The following TNIP1 variants were observed in gnomAD, a reference collection of about 807,000 sequenced individuals.
TNIP1 encodes the protein TNFAIP3 interacting protein 1.
In TNIP1, 22 loss-of-function variants were observed where a neutral mutation model predicts 86.6. That is an observed-to-expected ratio of 0.25 (90% confidence interval 0.18 to 0.36). The LOEUF is 0.36. Ranked by LOEUF, TNIP1 falls within the 10% of genes least tolerant of loss-of-function variation. The pLI, the probability that TNIP1 is intolerant of heterozygous loss-of-function variation, is 1.00. For synonymous variants in TNIP1, 294 were observed against 313.0 expected, an observed-to-expected ratio of 0.94 and a Z score of 0.64; for missense variants, 709 against 820.6, an observed-to-expected ratio of 0.86 and a Z score of 1.66.
At chr5:151,042,783 C>T (rs1758609864) in intron 10 of TNIP1, 112 bp from the exon 11 acceptor site, 19 of 1,594,324 alleles carry the variant, frequency 1.2e-5, no homozygotes, top group Non-Finnish European at 1.5e-5. Flanking sequence ...AACTTCTCCT[C>T]TGGGCCATAC....
At chr5:151,079,127 C>T (rs1296720849) in intron 1 of TNIP1, among the ~76,000 whole-genome samples, 4 of 152,072 alleles carry the variant, frequency 2.6e-5, no homozygotes, top group Non-Finnish European at 4.4e-5. Flanking sequence ...ACACTCCCAG[C>T]GGCAGCTTCC....
chr5:151,075,084 C>T (rs1763229895), intron 1 of TNIP1, among the ~76,000 whole-genome samples: 1 of 151,762 alleles, frequency 6.6e-6, no homozygotes, highest in South Asian at 2.1e-4. Flanking sequence ...GCCTAAATAA[C>T]ATTTTTAAAC....
intron 4 of TNIP1, among the ~76,000 whole-genome samples, 154 bp downstream of exon 4, chr5:151,061,973 C>G (rs2113688584): frequency 6.6e-6 from 1 of 152,210 alleles, no homozygotes; most frequent in African/African-American, 2.4e-5. Flanking sequence ...AGGCTGAGGC[C>G]CCAGAGAGTT....
At position 151,077,864 on chromosome 5, in the gene TNIP1, G is replaced by A. The variant is rs193152136; in HGVS notation, c.-37+3016C>T. Reference sequence around the variant, plus strand: ...TATGTCTGGTATCAAAATCTTTTAGGGTCTTTCCCAGGCCAACTGGTCAAT... The same window carrying A: ...TATGTCTGGTATCAAAATCTTTTAGAGTCTTTCCCAGGCCAACTGGTCAAT... On this transcript the variant is annotated intron_variant, in intron 1 of 17. Coordinates refer to ENST00000521591, the MANE Select transcript of TNIP1 (RefSeq NM_006058.5). Among the ~76,000 whole-genome samples, 275 of 152,276 alleles carry A rather than the reference G, an allele frequency of 1.8e-3. 3 individuals are homozygous for A. Among genetic ancestry groups the A allele is most frequent in the African/African-American group, 6.2e-3 (259 of 41,556 alleles).
chr5:151,066,121 T>G (rs1377641733), intron 1 of TNIP1, among the ~76,000 whole-genome samples: 1 of 152,156 alleles, frequency 6.6e-6, no homozygotes, highest in Non-Finnish European at 1.5e-5. Flanking sequence ...GCTTATAGTC[T>G]AGGGGTGAAA....
upstream of TNIP1, among the ~76,000 whole-genome samples, chr5:151,085,621 G>A (rs927441909): frequency 1.6e-4 from 25 of 152,126 alleles, no homozygotes; most frequent in African/African-American, 3.9e-4. Flanking sequence ...TCCCAGCCTC[G>A]TCACATACGT....
At chr5:151,057,700 G>A (rs1299601166) in intron 5 of TNIP1, among the ~76,000 whole-genome samples, 1 of 152,182 alleles carries the variant, frequency 6.6e-6, no homozygotes, top group African/African-American at 2.4e-5. Context: ...CTGGGCAACA[G>A]AGCAAGATTC....
At chr5:151,037,004 T>C in intron 12 of TNIP1, 83 bp from the exon 13 acceptor site, 1 of 1,475,356 alleles carries the variant, frequency 6.8e-7, no homozygotes, top group Non-Finnish European at 9.0e-7. Flanking sequence ...AGGGAACTCC[T>C]TCCTAATAAT....
At chr5:151,070,861 T>A (rs1268081470) in intron 1 of TNIP1, among the ~76,000 whole-genome samples, 1 of 152,122 alleles carries the variant, frequency 6.6e-6, no homozygotes, top group African/African-American at 2.4e-5. Context: ...GGTGGACACC[T>A]GCCATTCCAC....
Position 151,054,538 on chromosome 5 carries a change from C to T in TNIP1, c.627+2228G>A, listed in dbSNP as rs371118812. ...TCTACTAAAAATACCAAAAAATTGGCCAGGCATAAGGGCGCATGCATGTAG... is the reference window on the plus strand; with the variant it reads ...TCTACTAAAAATACCAAAAAATTGGTCAGGCATAAGGGCGCATGCATGTAG... On this transcript the variant is annotated intron_variant, in intron 6 of 17. Transcript: ENST00000521591. 8.5e-5 allele frequency among the ~76,000 whole-genome samples: 13 copies of T among 152,216 alleles called. No individual in the cohort carries two copies. The East Asian group carries it at 2.1e-3, about 25-fold the overall frequency.
intron 1 of TNIP1, chr5:151,080,152 G>A (rs1254036380): frequency 6.6e-6 from 1 of 152,212 alleles, no homozygotes; most frequent in East Asian, 1.9e-4. Context: ...GTCCTACAGT[G>A]GAAAGCTCAG....
intron 8 of TNIP1, chr5:151,046,165 G>T: frequency 1.8e-6 from 1 of 554,582 alleles, no homozygotes; most frequent in African/African-American, 1.9e-5. Flanking sequence ...ACTCAGGGTG[G>T]CTGCCAGGCC....
rs1761869864 is a variant in TNIP1, at chr5:151,063,651, G to T, written c.233C>A (p.Pro78His). The T allele has an allele frequency of 6.2e-7, 1 of 1,613,936 alleles. No homozygotes were observed. Among genetic ancestry groups the T allele is most frequent in the South Asian group, 1.1e-5 (1 of 91,088 alleles). The change falls in exon 3 of 18, where the codon CCC (proline) becomes CAC (histidine). Residue 78 changes from proline to histidine, a missense_variant. By Grantham distance (77) the Pro-to-His change is moderately conservative. Coordinates refer to ENST00000521591, the MANE Select transcript of TNIP1 (RefSeq NM_006058.5). Reference protein sequence around the residue: ...KDNELLPPPSPSLGSFDPLAE... With the variant: ...KDNELLPPPSHSLGSFDPLAE... Reference sequence around the variant, plus strand: ...CAGGGGGTCGAAGGAGCCCAAGGAGGGAGAAGGTGGTGGGAGCAGCTCGTT... The same window carrying T: ...CAGGGGGTCGAAGGAGCCCAAGGAGTGAGAAGGTGGTGGGAGCAGCTCGTT...
intron 4 of TNIP1, 133 bp from the exon 5 acceptor site, chr5:151,060,528 T>C (rs532046916): frequency 4.1e-4 from 296 of 730,058 alleles, no homozygotes; most frequent in Admixed American, 6.8e-4. Flanking sequence ...TTACATATCA[T>C]CTCACATGAG....
chr5:151,068,929 A>T (rs1257255068), intron 1 of TNIP1, among the ~76,000 whole-genome samples: 1 of 152,280 alleles, frequency 6.6e-6, no homozygotes, highest in Non-Finnish European at 1.5e-5. Flanking sequence ...GTATAGAAGC[A>T]GCCAGCGCAG....
intron 9 of TNIP1, among the ~76,000 whole-genome samples, chr5:151,044,987 G>A (rs1758951543): frequency 6.6e-6 from 1 of 152,246 alleles, no homozygotes; most frequent in Non-Finnish European, 1.5e-5. Flanking sequence ...TCAGTATTCT[G>A]TGGCAGGCTT....
chr5:151,068,122 G>A (rs1179136605), intron 1 of TNIP1, among the ~76,000 whole-genome samples: 1 of 152,256 alleles, frequency 6.6e-6, no homozygotes, highest in Non-Finnish European at 1.5e-5. Context: ...GCAGTGGGCA[G>A]AGGAGACGCA....
upstream of TNIP1, among the ~76,000 whole-genome samples, chr5:151,082,107 T>C (rs184460875): frequency 1.3e-5 from 2 of 152,304 alleles, no homozygotes; most frequent in Admixed American, 1.3e-4. Flanking sequence ...AACTGTTTAA[T>C]ACACACCCTC....
In TNIP1 at chr5:151,036,839, A is replaced by T. The variant is rs1469964318; in HGVS notation, c.1346T>A (p.Leu449His). 19 of 1,613,812 alleles carry T rather than the reference A, an allele frequency of 1.2e-5. No homozygotes were observed. Among genetic ancestry groups the T allele is most frequent in the Non-Finnish European group, 1.6e-5 (19 of 1,179,948 alleles). ...AFGSPEGAGA[L>H]LRKQELVTQN... ...CGTGACCAGCTCCTGTTTCCTTAGG[A>T]GGGCCCCTGCTCCTTCTGGGCTCCC... Residue 449 changes from leucine (L) to histidine (H), a missense_variant, in exon 13 of 18, where the codon CTC (leucine) becomes CAC (histidine). Coordinates refer to ENST00000521591, the MANE Select transcript of TNIP1 (RefSeq NM_006058.5).
Sources: gnomAD v4.1 joint callset for allele counts (sites outside exome capture counted in the v4.1 genomes callset) on GRCh38, gnomAD v4.1.1 for gene constraint, MANE v1.5 for transcripts, NCBI Gene and HGNC (gene_info 2026-07-23, HGNC 2026-07-21) for gene names.